The following NKAIN3 variants were observed in gnomAD, a reference collection of about 807,000 sequenced individuals.
The protein encoded by NKAIN3 is sodium/potassium transporting ATPase interacting 3.
Under a neutral mutation model 30.2 loss-of-function variants are expected in NKAIN3, and 25 were observed. The ratio of observed to expected loss-of-function variants is 0.83; its 90% CI spans 0.60 to 1.16. NKAIN3 has a LOEUF of 1.16. Among genes scored for constraint, NKAIN3 ranks in the 50% most tolerant of loss-of-function variants. The pLI, the probability that NKAIN3 is intolerant of heterozygous loss-of-function variation, is 0.00. For missense variants in NKAIN3, 225 were observed against 254.1 expected, an observed-to-expected ratio of 0.89 and a Z score of 0.78; for synonymous variants, 91 against 89.6, an observed-to-expected ratio of 1.02 and a Z score of -0.09.
At chr8:62,556,054 G>T (rs1809376328) in intron 1 of NKAIN3, among the ~76,000 whole-genome samples, 1 of 151,852 alleles carries the variant, frequency 6.6e-6, no homozygotes, top group Non-Finnish European at 1.5e-5. Context: ...TATTCTTTAG[G>T]AGGAAAAATA....
chr8:62,494,602 T>C (rs1339004663), intron 1 of NKAIN3, among the ~76,000 whole-genome samples: 1 of 152,114 alleles, frequency 6.6e-6, no homozygotes, highest in Non-Finnish European at 1.5e-5. Context: ...CTACCAGCTT[T>C]TCCTTGTACA....
chr8:62,807,595 C>G (rs748658230), intron 4 of NKAIN3, among the ~76,000 whole-genome samples: 17 of 147,576 alleles, frequency 1.2e-4, no homozygotes, highest in Non-Finnish European at 2.2e-4. Context: ...ACTCTGTCAC[C>G]AGGCTGGAGT....
chr8:62,449,343 C>T (rs1300642396), intron 1 of NKAIN3, among the ~76,000 whole-genome samples: 2 of 151,990 alleles, frequency 1.3e-5, no homozygotes, highest in Non-Finnish European at 2.9e-5. Flanking sequence ...GGTCCATCCA[C>T]CTGCTGTATT....
intron 3 of NKAIN3, among the ~76,000 whole-genome samples, chr8:62,712,496 T>A (rs1814754663): frequency 6.6e-6 from 1 of 152,058 alleles, no homozygotes; most frequent in African/African-American, 2.4e-5. Context: ...TGCTGAGTCA[T>A]GCAGGTTATC....
At position 62,717,866 on chromosome 8, in the gene NKAIN3, C is replaced by G. The variant is rs144089607; in HGVS notation, c.274-29066C>G. ...TAGGTTATTTCTTAGCGTCCTTAACCATAGGTAAATCACTTGGTTAGTATG... is the reference window on the plus strand; with the variant it reads ...TAGGTTATTTCTTAGCGTCCTTAACGATAGGTAAATCACTTGGTTAGTATG... On this transcript the variant is annotated intron_variant, in intron 3 of 6. Transcript: ENST00000623646. Among the ~76,000 whole-genome samples the G allele has an allele frequency of 5.0e-4, 76 of 152,198 alleles. No individual in the cohort carries two copies. The Middle Eastern group carries it at 0.01, about 20-fold the overall frequency.
chr8:62,352,394 A>T (rs1253380496), intron 1 of NKAIN3, among the ~76,000 whole-genome samples: 1 of 152,080 alleles, frequency 6.6e-6, no homozygotes, highest in Non-Finnish European at 1.5e-5. Context: ...CATTTTATTC[A>T]CTCATGCTGA....
intron 1 of NKAIN3, among the ~76,000 whole-genome samples, chr8:62,560,348 T>A (rs1018163677): frequency 2.6e-5 from 4 of 152,012 alleles, no homozygotes; most frequent in Admixed American, 1.3e-4. Context: ...TCCTCAGGTA[T>A]TTTTTAGCCT....
In NKAIN3 at chr8:62,979,962, G is replaced by GC. The variant is rs941315125; in HGVS notation, c.*14557dup. 6 of 152,024 alleles carry GC rather than the reference G, an allele frequency of 3.9e-5. No individual in the cohort carries two copies. The highest frequency in any genetic ancestry group is 1.5e-4 in the African/African-American group (6 of 41,234). 9.4% of individuals were successfully genotyped at this position (152,024 alleles called of 1,614,324 possible). On this transcript the variant is annotated 3_prime_UTR_variant, in exon 7 of 7. Coordinates refer to ENST00000623646, the MANE Select transcript of NKAIN3 (RefSeq NM_001304533.3). Reference sequence around the variant, plus strand: ...GAAAGCCACCTTCCAGTGGGTCTTTGCCTAGCTTTTGTCTTGTCTTTGCTT... The same window carrying GC: ...GAAAGCCACCTTCCAGTGGGTCTTTGCCCTAGCTTTTGTCTTGTCTTTGCTT...
At chr8:62,608,674 T>C (rs556053480) in intron 3 of NKAIN3, among the ~76,000 whole-genome samples, 2 of 152,202 alleles carry the variant, frequency 1.3e-5, no homozygotes, top group Non-Finnish European at 2.9e-5. Context: ...TCTGCAATTA[T>C]AGCATGTAAA....
chr8:62,357,776 G>T (rs577586286), intron 1 of NKAIN3, among the ~76,000 whole-genome samples: 2 of 152,094 alleles, frequency 1.3e-5, no homozygotes, highest in African/African-American at 2.4e-5. Flanking sequence ...AGCAGAGTTT[G>T]CAAGAAAAAG....
intron 1 of NKAIN3, among the ~76,000 whole-genome samples, chr8:62,481,736 A>G (rs1806728418): frequency 6.6e-6 from 1 of 152,262 alleles, no homozygotes; most frequent in Admixed American, 6.5e-5. Flanking sequence ...AGAACACAAG[A>G]CAAGGGGTTC....
At chr8:62,802,095 G>A (rs1277839000) in intron 4 of NKAIN3, among the ~76,000 whole-genome samples, 2 of 152,124 alleles carry the variant, frequency 1.3e-5, no homozygotes, top group Non-Finnish European at 2.9e-5. Context: ...AATGAACAAA[G>A]CCTCCAAGAA....
intron 5 of NKAIN3, among the ~76,000 whole-genome samples, chr8:62,928,321 T>C (rs1822511009): frequency 6.6e-6 from 1 of 152,236 alleles, no homozygotes; most frequent in African/African-American, 2.4e-5. Context: ...GATCTTTCTC[T>C]TTCTCTCTCT....
chr8:62,605,202 C>T (rs182145089), intron 3 of NKAIN3, among the ~76,000 whole-genome samples: 3 of 152,094 alleles, frequency 2.0e-5, no homozygotes, highest in Admixed American at 6.6e-5. Flanking sequence ...ACCTCAAAAT[C>T]GAGGTGTAAG....
chr8:62,619,000 G>A (rs1411330586), intron 3 of NKAIN3, among the ~76,000 whole-genome samples: 1 of 152,188 alleles, frequency 6.6e-6, no homozygotes, highest in African/African-American at 2.4e-5. Flanking sequence ...TTTCCACCAT[G>A]GTGCTGTTGG....
At chr8:62,250,125 A>T (rs1263087680) in intron 1 of NKAIN3, among the ~76,000 whole-genome samples, 1 of 152,186 alleles carries the variant, frequency 6.6e-6, no homozygotes, top group Non-Finnish European at 1.5e-5. Flanking sequence ...AAGTGAGAGG[A>T]AAAAGCTTGC....
At position 62,849,230 on chromosome 8, in the gene NKAIN3, G is replaced by A. The variant is rs187549006; in HGVS notation, c.472-69223G>A. Among the ~76,000 whole-genome samples the A allele has an allele frequency of 9.3e-5, 14 of 151,278 alleles. 1 individual carries two copies. The South Asian group carries it at 1.0e-3, about 11-fold the overall frequency. Reference sequence around the variant, plus strand: ...TCAATTTTTTGGAATAGTTTCAGTCGGAGTGGTACCAGCTATTTTCTGTAC... The same window carrying A: ...TCAATTTTTTGGAATAGTTTCAGTCAGAGTGGTACCAGCTATTTTCTGTAC... On this transcript the variant is annotated intron_variant, in intron 4 of 6. Transcript: ENST00000623646.
intron 4 of NKAIN3, among the ~76,000 whole-genome samples, chr8:62,841,340 C>G (rs1303975666): frequency 2.6e-5 from 4 of 151,806 alleles, no homozygotes; most frequent in Admixed American, 2.0e-4. Flanking sequence ...TTGAAATTTA[C>G]TCTCTTATTT....
At chr8:62,289,108 A>G (rs1013628873) in intron 1 of NKAIN3, among the ~76,000 whole-genome samples, 4 of 152,034 alleles carry the variant, frequency 2.6e-5, no homozygotes, top group Admixed American at 6.6e-5. Context: ...TTTCTTGTAA[A>G]TTTGTTTAAG....
Sources: gnomAD v4.1 joint callset for allele counts (sites outside exome capture counted in the v4.1 genomes callset) on GRCh38, gnomAD v4.1.1 for gene constraint, MANE v1.5 for transcripts, NCBI Gene and HGNC (gene_info 2026-07-23, HGNC 2026-07-21) for gene names.